Variants in SYNE2 observed in about 807,000 individuals in gnomAD.
The protein encoded by SYNE2 is nesprin-2.
SYNE2 carries 431 observed loss-of-function variants against 856.3 expected under a neutral mutation model. That is an observed-to-expected ratio of 0.50 (90% CI 0.47 to 0.55). The LOEUF is 0.55. SYNE2 is among the 20% of genes least tolerant of loss of function. SYNE2 has a pLI of 0.00. For missense variants in SYNE2, 8,129 were observed against 8,023.2 expected (o/e 1.01, Z -0.50); for synonymous variants, 2,923 against 2,872.3 (o/e 1.02, Z -0.56).
Position 64,165,241 on chromosome 14 carries a change from A to G in SYNE2, c.16480-44A>G, listed in dbSNP as rs919558929. On this transcript the variant is annotated intron_variant, in intron 89 of 115. Transcript: ENST00000555002. ...AAGCCTGTGTTTAATTCTGTTTTAT[A>G]TGTACATGAAAATAGTTTCTAATGA... 5 of 1,597,516 alleles carry G rather than the reference A, an allele frequency of 3.1e-6. No individual in the cohort carries two copies. The African/African-American group carries it at 5.4e-5, about 17-fold the overall frequency.
intron 2 of SYNE2, among the ~76,000 whole-genome samples, chr14:63,936,108 T>C (rs1227239720): frequency 6.6e-6 from 1 of 152,130 alleles, no homozygotes; most frequent in Non-Finnish European, 1.5e-5. Flanking sequence ...CTTCTGACCT[T>C]GTGATCCGCC....
At chr14:64,169,043 AC>A in intron 93 of SYNE2, 72 bp downstream of exon 93, 1 of 1,180,722 alleles carries the variant, frequency 8.5e-7, no homozygotes. Context: ...CAGGCTTTCC[AC>A]CATGTGAACC....
chr14:64,222,374 A>G (rs765476060), intron 112 of SYNE2, among the ~76,000 whole-genome samples: 8 of 152,216 alleles, frequency 5.3e-5, no homozygotes, highest in Non-Finnish European at 1.2e-4. Context: ...AGCACCTGAA[A>G]TGTGGCTATT....
At chr14:63,818,044 A>C (rs1211219539) in intron 1 of SYNE2, among the ~76,000 whole-genome samples, 1 of 148,956 alleles carries the variant, frequency 6.7e-6, no homozygotes, top group East Asian at 2.0e-4. Context: ...AAAAAAAAAA[A>C]AACAAATAAA....
intron 38 of SYNE2, 41 bp downstream of exon 38, chr14:64,022,904 C>T (rs2153535062): frequency 2.9e-6 from 3 of 1,038,268 alleles, no homozygotes; most frequent in Non-Finnish European, 4.4e-6. Flanking sequence ...ATTTTCAATA[C>T]TAAAATACTG....
At chr14:64,183,324 C>T (rs1175634389) in intron 96 of SYNE2, among the ~76,000 whole-genome samples, 3 of 149,814 alleles carry the variant, frequency 2.0e-5, no homozygotes, top group Non-Finnish European at 4.5e-5. Flanking sequence ...GACGGGGCGG[C>T]AGGGCAGAGG....
intron 1 of SYNE2, among the ~76,000 whole-genome samples, chr14:63,889,365 C>G (rs1308343162): frequency 6.6e-6 from 1 of 151,932 alleles, no homozygotes; most frequent in Non-Finnish European, 1.5e-5. Flanking sequence ...ACCACTGGCT[C>G]TGTTGTGGTG....
At chr14:64,068,713 A>G (rs549035946) in intron 51 of SYNE2, among the ~76,000 whole-genome samples, 11 of 151,858 alleles carry the variant, frequency 7.2e-5, no homozygotes, top group Non-Finnish European at 1.6e-4. Context: ...TACAAAAAAA[A>G]TAGCCAGGCA....
Position 64,010,098 on chromosome 14 carries a change from G to GGGA in SYNE2, c.4710_4711insGGA (p.Leu1570_Lys1571insGly). 8 of 1,613,028 alleles carry GGGA rather than the reference G, an allele frequency of 5.0e-6. No homozygotes were observed. Among genetic ancestry groups the GGGA allele is most frequent in the Non-Finnish European group, 6.8e-6 (8 of 1,179,468 alleles). ...CTTCGTACATGGGAAAGGAGAACCTGAAGAAAAGGATAGCAGAGGTGAGTC... is the reference window on the plus strand; with the variant it reads ...CTTCGTACATGGGAAAGGAGAACCTGGGAAAGAAAAGGATAGCAGAGGTGAGTC... On this transcript the variant is annotated inframe_insertion, in exon 32 of 116. Transcript: ENST00000555002.
At chr14:64,203,380 CAAGAA>C (rs2098587314) in intron 100 of SYNE2, among the ~76,000 whole-genome samples, 1 of 152,120 alleles carries the variant, frequency 6.6e-6, no homozygotes, top group African/African-American at 2.4e-5. Context: ...AAAATTAAAA[CAAGAA>C]AAGGTGTGAT....
rs112158398 is a variant in SYNE2 at position 64,225,694 on chromosome 14, A to G, written c.*168A>G. 2.0e-5 allele frequency: 15 copies of G among 761,100 alleles called. No individual in the cohort carries two copies. The African/African-American group carries it at 2.1e-4, about 11-fold the overall frequency. 47.1% of individuals were successfully genotyped at this position (761,100 alleles called of 1,614,324 possible). A position where few individuals can be genotyped will look rare whatever the true frequency, so the allele number is the denominator to read the frequency against. On this transcript the variant is annotated 3_prime_UTR_variant, in exon 116 of 116. Coordinates refer to ENST00000555002, the MANE Select transcript of SYNE2 (RefSeq NM_182914.3). ...CTCCCTGGAGCCCAGGGCAGCTTTCAGATTGTGTTCCTCCCCAGGAGCAGG... is the reference window on the plus strand; with the variant it reads ...CTCCCTGGAGCCCAGGGCAGCTTTCGGATTGTGTTCCTCCCCAGGAGCAGG...
chr14:63,841,657 A>G (rs1439338237), intron 1 of SYNE2, among the ~76,000 whole-genome samples: 2 of 152,204 alleles, frequency 1.3e-5, no homozygotes, highest in East Asian at 3.8e-4. Flanking sequence ...AACAGAGTAC[A>G]TTGTCAAGCT....
intron 94 of SYNE2, 148 bp downstream of exon 94, chr14:64,170,610 C>G (rs950706769): frequency 2.1e-5 from 17 of 794,480 alleles, no homozygotes; most frequent in South Asian, 8.9e-5. Context: ...GTCACCACCC[C>G]CCACAGCCCA....
At chr14:64,032,636 A>C (rs943976635) in intron 45 of SYNE2, among the ~76,000 whole-genome samples, 3 of 151,960 alleles carry the variant, frequency 2.0e-5, no homozygotes, top group African/African-American at 7.3e-5. Flanking sequence ...GCAATGGTGC[A>C]ATCTTGGCTC....
At chr14:64,144,134 G>A (rs1056674911) in intron 83 of SYNE2, among the ~76,000 whole-genome samples, 186 bp downstream of exon 83, 3 of 152,166 alleles carry the variant, frequency 2.0e-5, no homozygotes, top group Non-Finnish European at 4.4e-5. Flanking sequence ...TATAAAAATA[G>A]TTCTTATATT....
At chr14:64,155,820 C>T (rs559413401) in intron 85 of SYNE2, among the ~76,000 whole-genome samples, 10 of 152,086 alleles carry the variant, frequency 6.6e-5, no homozygotes, top group Non-Finnish European at 1.3e-4. Flanking sequence ...CCCAGCTATT[C>T]GGGAGGCCGA....
At chr14:64,078,658 T>C (rs2097490757) in intron 55 of SYNE2, 52 bp downstream of exon 55, 1 of 1,603,490 alleles carries the variant, frequency 6.2e-7, no homozygotes, top group Admixed American at 1.7e-5. Flanking sequence ...GACCCACTCC[T>C]GCCTTGTTCA....
At chr14:64,119,373 A>G in intron 66 of SYNE2, 54 bp from the exon 67 acceptor site, 1 of 1,606,078 alleles carries the variant, frequency 6.2e-7, no homozygotes, top group Non-Finnish European at 8.5e-7. Context: ...GTTTGCAGGC[A>G]CAATACTTCT....
chr14:64,132,584 G>C, intron 77 of SYNE2, 146 bp downstream of exon 77: 1 of 1,097,012 alleles, frequency 9.1e-7, no homozygotes, highest in Non-Finnish European at 1.3e-6. Flanking sequence ...CCCTGCTCAG[G>C]TTCTGAGGCC....
Sources: allele counts gnomAD v4.1 joint callset (sites outside exome capture counted in the v4.1 genomes callset), GRCh38; gene constraint gnomAD v4.1.1; transcripts MANE v1.5; gene names NCBI Gene and HGNC (gene_info 2026-07-23, HGNC 2026-07-21).